KIAA0586: variants seen among roughly 807,000 people sequenced by gnomAD.
KIAA0586 encodes the protein protein TALPID3.
In KIAA0586, 144 loss-of-function variants were observed where a neutral mutation model predicts 169.8. That is an observed-to-expected ratio of 0.85 (90% confidence interval 0.74 to 0.97). The LOEUF (loss-of-function observed/expected upper bound fraction) is 0.97, where lower values mean the gene tolerates loss of function less well. KIAA0586 is among the 50% of genes least tolerant of loss of function. The pLI, the probability that KIAA0586 is intolerant of heterozygous loss-of-function variation, is 0.00. For synonymous variants in KIAA0586, 625 were observed against 612.4 expected (o/e 1.02, Z -0.30); for missense variants, 1,854 against 1,823.0 (o/e 1.02, Z -0.31).
At chr14:58,457,392 T>C (rs1443687435) in intron 10 of KIAA0586, among the ~76,000 whole-genome samples, 3 of 152,120 alleles carry the variant, frequency 2.0e-5, no homozygotes, top group Admixed American at 2.0e-4. Flanking sequence ...CTCAGCCTCC[T>C]GAGCAGCTGG....
rs772100316 is a variant in KIAA0586, at chr14:58,474,765, A to G, written c.2793A>G (p.Arg931=). ...TADILDKVIE[R]KETLENSLIQ... ...ATATTCTGGATAAAGTAATTGAGAG[A>G]AAAGAAACACTGGAAAATAGCTTAA... The change falls in exon 19 of 31, where the codon AGA becomes AGG. Residue 931 remains arginine (R), a synonymous_variant. Coordinates refer to ENST00000652326, the MANE Select transcript of KIAA0586 (RefSeq NM_001329943.3). 10 of 1,608,002 alleles carry G rather than the reference A, an allele frequency of 6.2e-6. No homozygotes were observed. In the South Asian group the frequency reaches 1.1e-4, roughly 18 times the overall value.
Position 58,446,644 on chromosome 14 carries a change from T to G in KIAA0586, c.808-1696T>G, listed in dbSNP as rs913186031. Among the ~76,000 whole-genome samples, 80 of 152,144 alleles carry G rather than the reference T, an allele frequency of 5.3e-4. 3 individuals carry two copies. Reference sequence around the variant, plus strand: ...TGTACTAAAATAAGTTTATTATACTTAATATATCATCATAAAGTAGACATT... The same window carrying G: ...TGTACTAAAATAAGTTTATTATACTGAATATATCATCATAAAGTAGACATT... On this transcript the variant is annotated intron_variant, in intron 6 of 30. Coordinates refer to ENST00000652326, the MANE Select transcript of KIAA0586 (RefSeq NM_001329943.3).
rs745517920 is a variant in KIAA0586, at chr14:58,549,383, T to C, written c.*1451T>C. The C allele has an allele frequency of 3.9e-5, 6 of 151,950 alleles. No homozygotes were observed. Among genetic ancestry groups the C allele is most frequent in the Admixed American group, 6.6e-5 (1 of 15,266 alleles). The allele number at this position is 151,950 out of a possible 1,614,324, so 9.4% of individuals were successfully genotyped here. A position where few individuals can be genotyped will look rare whatever the true frequency, so the allele number is the denominator to read the frequency against. On this transcript the variant is annotated 3_prime_UTR_variant, in exon 31 of 31. Transcript: ENST00000652326. Reference sequence around the variant, plus strand: ...CTTTTCAGGTAATTTTAATGGGCACTCAAGGCTGAGAATTACTGAAGAGCA... The same window carrying C: ...CTTTTCAGGTAATTTTAATGGGCACCCAAGGCTGAGAATTACTGAAGAGCA...
chr14:58,530,597 T>A (rs1566947262), intron 29 of KIAA0586, among the ~76,000 whole-genome samples: 1 of 152,186 alleles, frequency 6.6e-6, no homozygotes, highest in South Asian at 2.1e-4. Context: ...GGGGAAAGGA[T>A]TCCCTATTTA....
chr14:58,488,681 A>G lies in KIAA0586; in HGVS notation c.3588A>G (p.Pro1196=). Residue 1196 remains proline (P), a synonymous_variant, in exon 24 of 31, where the codon CCA becomes CCG. Transcript: ENST00000652326. ...GTATGGATTTCCCTGCTCAGCCTCCACCTCCAGAGCCAGTTCCCTTTATGC... is the reference window on the plus strand; with the variant it reads ...GTATGGATTTCCCTGCTCAGCCTCCGCCTCCAGAGCCAGTTCCCTTTATGC... ...PESMDFPAQP[P]PPEPVPFMPF... 1 of 1,613,660 alleles carries G rather than the reference A, an allele frequency of 6.2e-7. No homozygotes were observed. The highest frequency in any genetic ancestry group is 8.5e-7 in the Non-Finnish European group (1 of 1,179,796).
chr14:58,514,930 A>G (rs2044643835), intron 29 of KIAA0586, among the ~76,000 whole-genome samples: 1 of 152,106 alleles, frequency 6.6e-6, no homozygotes, highest in Admixed American at 6.6e-5. Flanking sequence ...ACTTTCATCA[A>G]TACAAATAAG....
chr14:58,524,052 CT>C (rs2045404675), intron 29 of KIAA0586, among the ~76,000 whole-genome samples: 1 of 152,084 alleles, frequency 6.6e-6, no homozygotes, highest in South Asian at 2.1e-4. Flanking sequence ...CAGTTCTACC[CT>C]TTTTGTTCAT....
In KIAA0586 at chr14:58,547,953, C is replaced by T; in HGVS notation, c.*21C>T. On this transcript the variant is annotated 3_prime_UTR_variant, in exon 31 of 31. Coordinates refer to ENST00000652326, the MANE Select transcript of KIAA0586 (RefSeq NM_001329943.3). ...TCTGAACGGGAAGAGACAGCCAGCA[C>T]AGTGTTTATGCCACTGGTTTTAAAG... 6.2e-7 allele frequency: 1 copy of T among 1,612,502 alleles called. No homozygotes were observed. Among genetic ancestry groups the T allele is most frequent in the Non-Finnish European group, 8.5e-7 (1 of 1,179,068 alleles).
At chr14:58,561,005 TA>T in the KIAA0586 span, among the ~76,000 whole-genome samples, 274 of 152,306 alleles carry the variant, frequency 1.8e-3, 1 homozygote, top group Middle Eastern at 6.8e-3. Flanking sequence ...GTTGCTGAAT[TA>T]AAGGCCTGTG....
intron 24 of KIAA0586, 126 bp downstream of exon 24, chr14:58,489,000 G>A (rs2042658556): frequency 7.6e-6 from 7 of 924,014 alleles, no homozygotes; most frequent in East Asian, 5.1e-5. Flanking sequence ...AAAGAATAGG[G>A]GACTCAATGC....
upstream of KIAA0586, chr14:58,427,490 G>C (rs1333051748): frequency 2.6e-6 from 3 of 1,148,424 alleles, no homozygotes; most frequent in Non-Finnish European, 3.7e-6. Context: ...TCAAGTCTTG[G>C]ATGAGACTGT....
intron 30 of KIAA0586, among the ~76,000 whole-genome samples, chr14:58,541,132 G>C (rs1211838216): frequency 1.3e-5 from 2 of 152,226 alleles, no homozygotes; most frequent in Non-Finnish European, 2.9e-5. Flanking sequence ...ACAAGATCTG[G>C]TCAGTGTGAA....
At chr14:58,533,059 G>A (rs2046079936) in intron 29 of KIAA0586, among the ~76,000 whole-genome samples, 1 of 152,202 alleles carries the variant, frequency 6.6e-6, no homozygotes, top group African/African-American at 2.4e-5. Flanking sequence ...TATAATTGCA[G>A]TAATACTGTA....
intron 27 of KIAA0586, among the ~76,000 whole-genome samples, chr14:58,501,410 A>G (rs2043560983): frequency 6.6e-6 from 1 of 152,244 alleles, no homozygotes; most frequent in South Asian, 2.1e-4. Flanking sequence ...CAGAGTTAAC[A>G]CTAGGTGGCT....
the KIAA0586 span, among the ~76,000 whole-genome samples, chr14:58,559,673 G>C: frequency 1.3e-5 from 2 of 152,090 alleles, no homozygotes; most frequent in African/African-American, 4.8e-5. Flanking sequence ...CACTGGCCCT[G>C]GCCTGAGAAG....
Position 58,511,664 on chromosome 14 carries a change from C to G in KIAA0586, c.4324-858C>G, listed in dbSNP as rs2044396949. 4.6e-5 allele frequency among the ~76,000 whole-genome samples: 7 copies of G among 152,228 alleles called. No homozygotes were observed. The South Asian group carries it at 1.5e-3, about 32-fold the overall frequency. ...AACATACATGACTAACGGCTCTAAA[C>G]TTGGAAGACCAGAGTTAAGGCTAGT... On this transcript the variant is annotated intron_variant, in intron 28 of 30. Coordinates refer to ENST00000652326, the MANE Select transcript of KIAA0586 (RefSeq NM_001329943.3).
intron 17 of KIAA0586, among the ~76,000 whole-genome samples, chr14:58,471,026 A>G (rs2041176900): frequency 6.6e-6 from 1 of 151,760 alleles, no homozygotes; most frequent in Non-Finnish European, 1.5e-5. Context: ...TAATTTTTGT[A>G]TTTTTAGTAG....
intron 17 of KIAA0586, among the ~76,000 whole-genome samples, chr14:58,471,643 C>T (rs1007246207): frequency 6.6e-6 from 1 of 152,040 alleles, no homozygotes; most frequent in African/African-American, 2.4e-5. Context: ...ATTTTTTCAT[C>T]AGTATTTTTT....
At chr14:58,547,647 G>A (rs574231288) in intron 30 of KIAA0586, 134 bp from the exon 31 acceptor site, 4 of 757,720 alleles carry the variant, frequency 5.3e-6, no homozygotes, top group Admixed American at 5.2e-5. Context: ...CTTGGGACAA[G>A]AGAGTCCCTT....
Sources: allele counts gnomAD v4.1 joint callset (sites outside exome capture counted in the v4.1 genomes callset), GRCh38; gene constraint gnomAD v4.1.1; transcripts MANE v1.5; gene names NCBI Gene and HGNC (gene_info 2026-07-23, HGNC 2026-07-21).